Variants in CRACD observed in about 807,000 individuals in gnomAD.
The protein encoded by CRACD is capping protein-inhibiting regulator of actin dynamics.
A neutral mutation model predicts 106.8 loss-of-function variants in CRACD; 56 were observed. That is an observed-to-expected ratio of 0.52 (90% CI 0.42 to 0.66). CRACD has a LOEUF of 0.66. Ranked by LOEUF, CRACD falls within the 30% of genes least tolerant of loss-of-function variation. The pLI, the probability that CRACD is intolerant of heterozygous loss-of-function variation, is 0.00. For synonymous variants in CRACD, 754 were observed against 670.8 expected, an observed-to-expected ratio of 1.12 and a Z score of -1.92; for missense variants, 1,730 against 1,623.2, an observed-to-expected ratio of 1.07 and a Z score of -1.13.
intron 1 of CRACD, among the ~76,000 whole-genome samples, chr4:56,052,839 T>TCTGAAGA (rs1370005328): frequency 6.6e-6 from 1 of 152,234 alleles, no homozygotes; most frequent in Non-Finnish European, 1.5e-5. Flanking sequence ...CATAGTGATT[T>TCTGAAGA]CTGAAGATGT....
At chr4:56,062,794 T>C (rs916662442) in intron 1 of CRACD, among the ~76,000 whole-genome samples, 1 of 152,142 alleles carries the variant, frequency 6.6e-6, no homozygotes, top group African/African-American at 2.4e-5. Context: ...TGCAAGGAGT[T>C]TTTATAGAAC....
At chr4:56,167,986 A>G (rs1440856840) in intron 1 of CRACD, among the ~76,000 whole-genome samples, 1 of 152,238 alleles carries the variant, frequency 6.6e-6, no homozygotes, top group Non-Finnish European at 1.5e-5. Flanking sequence ...AGGATTTTCT[A>G]CATAGATTAT....
chr4:56,104,773 C>T (rs1453009694), intron 1 of CRACD, among the ~76,000 whole-genome samples: 1 of 151,914 alleles, frequency 6.6e-6, no homozygotes, highest in Non-Finnish European at 1.5e-5. Flanking sequence ...CGAGACCATC[C>T]TGGCTAACAT....
intron 2 of CRACD, among the ~76,000 whole-genome samples, chr4:56,268,251 A>G (rs149536878): frequency 1.6e-4 from 25 of 152,342 alleles, no homozygotes; most frequent in Non-Finnish European, 3.4e-4. Context: ...AATTCCCCTG[A>G]CTTTATGGCA....
chr4:56,299,560 C>G (rs576383215), intron 4 of CRACD, among the ~76,000 whole-genome samples: 4 of 151,940 alleles, frequency 2.6e-5, no homozygotes, highest in Non-Finnish European at 5.9e-5. Flanking sequence ...GTCCCAGCTT[C>G]TCAGGAGGCT....
At chr4:56,271,568 T>C (rs1004313524) in intron 2 of CRACD, among the ~76,000 whole-genome samples, 1 of 151,232 alleles carries the variant, frequency 6.6e-6, no homozygotes, top group Non-Finnish European at 1.5e-5. Flanking sequence ...GAGATAAAAA[T>C]ATTAAAAAAA....
chr4:56,154,486 T>A (rs7684224), intron 1 of CRACD, among the ~76,000 whole-genome samples: 62,056 of 151,316 alleles, frequency 0.41, 13,217 homozygotes, highest in African/African-American at 0.52. Context: ...AATAAGATTG[T>A]TGATGTAAGA....
chr4:56,256,186 T>C (rs569088511), intron 2 of CRACD, among the ~76,000 whole-genome samples: 1 of 152,320 alleles, frequency 6.6e-6, no homozygotes, highest in African/African-American at 2.4e-5. Context: ...GAGGGACCCA[T>C]TGGAAGATAA....
At chr4:56,259,497 G>T (rs695058) in intron 2 of CRACD, among the ~76,000 whole-genome samples, 2 of 152,076 alleles carry the variant, frequency 1.3e-5, no homozygotes, top group African/African-American at 2.4e-5. Flanking sequence ...TAGGAGGTGG[G>T]GAACAGGGGG....
At chr4:56,093,598 G>A (rs1044919043) in intron 1 of CRACD, among the ~76,000 whole-genome samples, 16 of 152,146 alleles carry the variant, frequency 1.1e-4, no homozygotes, top group African/African-American at 3.9e-4. Context: ...CGAGGTAGGC[G>A]AGTCCTGCCA....
intron 1 of CRACD, among the ~76,000 whole-genome samples, chr4:56,104,075 G>A (rs769694813): frequency 3.9e-5 from 6 of 152,194 alleles, no homozygotes; most frequent in East Asian, 1.9e-4. Flanking sequence ...TGCCCAGCCC[G>A]TTGTTATTAT....
chr4:56,324,203 G>A lies in CRACD; in HGVS notation c.3478G>A (p.Val1160Met). 1.9e-6 allele frequency: 3 copies of A among 1,614,270 alleles called. No homozygotes were observed. The highest frequency in any genetic ancestry group is 2.5e-6 in the Non-Finnish European group (3 of 1,180,042). The change falls in exon 10 of 11, where the codon GTG (valine) becomes ATG (methionine). Residue 1160 changes from valine to methionine, a missense_variant. Around this residue, in one of 5 missense-constraint regions of CRACD, gnomAD observed 89 missense variants for 89.6 expected, o/e 0.99. Transcript: ENST00000682029. ...AGAAGAGAAGAGGCCCGAGACTGCA[G>A]TGTCCAGGCTTGAGCGCAGAGAACA... ...LPEEKRPETA[V>M]SRLERREQLK... is the part of the protein sequence containing the mutation.
intron 1 of CRACD, among the ~76,000 whole-genome samples, chr4:56,081,323 A>C (rs969483029): frequency 2.6e-5 from 4 of 152,204 alleles, no homozygotes; most frequent in Admixed American, 6.5e-5. Context: ...GATCCCACTG[A>C]GATAGCGCAC....
At chr4:56,185,392 T>G (rs923334752) in intron 2 of CRACD, among the ~76,000 whole-genome samples, 18 of 152,232 alleles carry the variant, frequency 1.2e-4, no homozygotes, top group Non-Finnish European at 1.5e-5. Context: ...CCTCAGCCAC[T>G]GGCAGCCACC....
At chr4:56,124,972 G>A (rs929702288) in intron 1 of CRACD, among the ~76,000 whole-genome samples, 10 of 152,212 alleles carry the variant, frequency 6.6e-5, no homozygotes, top group African/African-American at 2.4e-4. Flanking sequence ...TTAATGATAT[G>A]CTTTAATTTT....
At chr4:56,193,440 AAG>A (rs1244258455) in intron 2 of CRACD, among the ~76,000 whole-genome samples, 1 of 152,200 alleles carries the variant, frequency 6.6e-6, no homozygotes, top group Non-Finnish European at 1.5e-5. Flanking sequence ...AAATTGGCAA[AAG>A]AAAGGGTGTG....
chr4:56,279,366 C>CGG (rs370524648), intron 3 of CRACD, among the ~76,000 whole-genome samples: 71,366 of 151,596 alleles, frequency 0.47, 17,681 homozygotes, highest in African/African-American at 0.63. Flanking sequence ...AGGCAACCTA[C>CGG]AACATGGGAG....
intron 1 of CRACD, among the ~76,000 whole-genome samples, chr4:56,122,286 C>A: frequency 1.7e-5 from 2 of 115,520 alleles, no homozygotes; most frequent in Non-Finnish European, 1.8e-5. Flanking sequence ...AGAAATAAAG[C>A]ATATAACCTC....
chr4:56,213,530 C>G (rs1019742112), intron 2 of CRACD, among the ~76,000 whole-genome samples: 1 of 152,152 alleles, frequency 6.6e-6, no homozygotes, highest in African/African-American at 2.4e-5. Flanking sequence ...TTCCACAGCC[C>G]CTACACCCCC....
Sources: allele counts gnomAD v4.1 joint callset (sites outside exome capture counted in the v4.1 genomes callset), GRCh38; gene constraint gnomAD v4.1.1; regional missense constraint gnomAD v4.1.1; transcripts MANE v1.5; gene names NCBI Gene and HGNC (gene_info 2026-07-23, HGNC 2026-07-21).